The following ATR variants were observed in gnomAD, a reference collection of about 807,000 sequenced individuals.
ATR encodes the protein ATR checkpoint kinase.
In ATR, 142 loss-of-function variants were observed where a neutral mutation model predicts 305.3. The ratio of observed to expected loss-of-function variants is 0.47; its 90% CI spans 0.41 to 0.53. The LOEUF (loss-of-function observed/expected upper bound fraction) is 0.53. Among genes scored for constraint, ATR ranks in the 20% least tolerant of loss-of-function variants. ATR has a pLI of 0.00. For synonymous variants in ATR, 1,050 were observed against 1,068.1 expected (o/e 0.98, Z 0.33); for missense variants, 2,135 against 3,133.1 (o/e 0.68, Z 7.60).
intron 1 of ATR, among the ~76,000 whole-genome samples, chr3:142,577,307 G>T (rs2035471769): frequency 6.6e-6 from 1 of 152,198 alleles, no homozygotes; most frequent in South Asian, 2.1e-4. Context: ...GAGGAAGACA[G>T]AAGAGGGAAG....
Position 142,515,479 on chromosome 3 carries a change from T to C in ATR, c.4419A>G (p.Gly1473=), listed in dbSNP as rs746905090. 3 of 1,612,588 alleles carry C rather than the reference T, an allele frequency of 1.9e-6. No homozygotes were observed. Among genetic ancestry groups the C allele is most frequent in the Middle Eastern group, 1.7e-4 (1 of 6,054 alleles). The change falls in exon 25 of 47, where the codon GGA becomes GGG. Residue 1473 remains glycine, a synonymous_variant. Transcript: ENST00000350721. ...KSSQKSTDWS[G]VKKPIYLSKL... ...TACTTAAGTAAATTGGCTTCTTTACTCCAGACCAATCGGTTGACTTCTGAG... is the reference window on the plus strand; with the variant it reads ...TACTTAAGTAAATTGGCTTCTTTACCCCAGACCAATCGGTTGACTTCTGAG...
At chr3:142,554,641 G>A (rs1240366454) in intron 10 of ATR, among the ~76,000 whole-genome samples, 1 of 152,142 alleles carries the variant, frequency 6.6e-6, no homozygotes, top group Admixed American at 6.5e-5. Flanking sequence ...CACATTGCAG[G>A]CCAGGAGTGG....
chr3:142,505,427 T>G, intron 28 of ATR, 124 bp from the exon 29 acceptor site: 1 of 1,152,220 alleles, frequency 8.7e-7, no homozygotes, highest in South Asian at 1.3e-5. Context: ...AAAGTAATAG[T>G]AAGCATTTGT....
At position 142,539,740 on chromosome 3, in the gene ATR, C is replaced by T. The variant is rs544931106; in HGVS notation, c.3582-1115G>A. Among the ~76,000 whole-genome samples, 9 of 152,202 alleles carry T rather than the reference C, an allele frequency of 5.9e-5. No homozygotes were observed. The East Asian group carries it at 7.7e-4, about 13-fold the overall frequency. On this transcript the variant is annotated intron_variant, in intron 18 of 46. Coordinates refer to ENST00000350721, the MANE Select transcript of ATR (RefSeq NM_001184.4). ...TCCTAAGCAGCTGGGACTACAGATA[C>T]GCACAATCATGCCCGGCTAGCCAAA...
intron 36 of ATR, among the ~76,000 whole-genome samples, chr3:142,483,558 G>C (rs541231213): frequency 6.6e-6 from 1 of 152,212 alleles, no homozygotes; most frequent in South Asian, 2.1e-4. Context: ...AACCACAAAG[G>C]CTGAGTGGAG....
At chr3:142,461,539 C>CA (rs1294685667) in intron 42 of ATR, among the ~76,000 whole-genome samples, 5 of 152,166 alleles carry the variant, frequency 3.3e-5, no homozygotes, top group Non-Finnish European at 7.4e-5. Context: ...TCTAAAACGT[C>CA]AGACTTCATT....
chr3:142,453,040 T>G (rs2070827206), intron 46 of ATR, 88 bp downstream of exon 46: 1 of 1,586,634 alleles, frequency 6.3e-7, no homozygotes, highest in Non-Finnish European at 8.6e-7. Context: ...GCAGTTCTCA[T>G]GCATAGAGAT....
intron 13 of ATR, among the ~76,000 whole-genome samples, chr3:142,551,662 C>G (rs1002820326): frequency 1.1e-4 from 16 of 152,096 alleles, no homozygotes; most frequent in Non-Finnish European, 2.2e-4. Flanking sequence ...ACACCATATA[C>G]AAAAATTAAC....
intron 41 of ATR, among the ~76,000 whole-genome samples, chr3:142,463,125 C>T (rs2071055982): frequency 6.6e-6 from 1 of 152,066 alleles, no homozygotes; most frequent in Non-Finnish European, 1.5e-5. Flanking sequence ...GCCTCCAAAA[C>T]TAACATAGTT....
chr3:142,457,873 T>C, intron 44 of ATR, 118 bp from the exon 45 acceptor site: 3 of 1,154,484 alleles, frequency 2.6e-6, no homozygotes, highest in Non-Finnish European at 3.7e-6. Flanking sequence ...AAAATATTTA[T>C]GTTGTAATTA....
At chr3:142,466,554 TTTTAA>T (rs770552133) in intron 39 of ATR, 21 bp from the exon 40 acceptor site, 1 of 1,590,808 alleles carries the variant, frequency 6.3e-7, no homozygotes, top group Admixed American at 1.7e-5. Context: ...AAATAGTGCA[TTTTAA>T]TTTGTTTTTA....
chr3:142,507,997 T>C lies in ATR; in HGVS notation c.4965A>G (p.Val1655=), dbSNP rs1296283114. 6.2e-7 allele frequency: 1 copy of C among 1,613,692 alleles called. No homozygotes were observed. Among genetic ancestry groups the C allele is most frequent in the East Asian group, 2.2e-5 (1 of 44,870 alleles). The change falls in exon 28 of 47, where the codon GTA becomes GTG. Residue 1655 remains valine, a synonymous_variant. Transcript: ENST00000350721. The stretch of plus-strand genomic sequence containing the variant: ...CTGTAATAAATGATTCAAAGTGCAT[T>C]ACAGCTCGTGTGTATGCTTTGGAGC... The part of the protein sequence containing the change: ...SFRSKAYTRA[V]MHFESFITEK...
intron 36 of ATR, among the ~76,000 whole-genome samples, chr3:142,481,809 T>C (rs983818310): frequency 2.0e-5 from 3 of 151,618 alleles, no homozygotes; most frequent in African/African-American, 7.3e-5. Context: ...ATTTACTACA[T>C]TTATTTTGAT....
intron 4 of ATR, 67 bp downstream of exon 4, chr3:142,562,165 C>T (rs2034905783): frequency 2.0e-6 from 3 of 1,493,036 alleles, no homozygotes; most frequent in South Asian, 2.4e-5. Context: ...TTACATTTTG[C>T]ACATATGTAT....
chr3:142,535,050 T>A, intron 21 of ATR, 30 bp downstream of exon 21: 1 of 1,586,984 alleles, frequency 6.3e-7, no homozygotes, highest in Non-Finnish European at 8.6e-7. Context: ...TTCTTTGTTA[T>A]ACATTTTTAA....
intron 16 of ATR, among the ~76,000 whole-genome samples, chr3:142,545,648 G>T (rs1375858916): frequency 6.6e-6 from 1 of 152,018 alleles, no homozygotes; most frequent in African/African-American, 2.4e-5. Context: ...AGGGAAGAAT[G>T]AAAGGACAGA....
Position 142,469,576 on chromosome 3 carries a change from G to A in ATR, c.6320-7C>T, listed in dbSNP as rs1218677609. 6.3e-6 allele frequency: 10 copies of A among 1,597,106 alleles called. No homozygotes were observed. The highest frequency in any genetic ancestry group is 6.9e-6 in the Non-Finnish European group (8 of 1,164,874). ...ACACGATCGGAGCGGCCAGCTGGGG[G>A]AAGAAATAAGTTTAAAAAACAATAA... On this transcript the variant is annotated splice_polypyrimidine_tract_variant and splice_region_variant and intron_variant, in intron 37 of 46. Transcript: ENST00000350721.
chr3:142,492,078 A>T (rs1158978037), intron 35 of ATR, among the ~76,000 whole-genome samples: 2 of 152,126 alleles, frequency 1.3e-5, no homozygotes, highest in Non-Finnish European at 2.9e-5. Context: ...TTAGGCTTTG[A>T]TCTGGCAGGC....
At chr3:142,556,718 C>T in intron 8 of ATR, 143 bp from the exon 9 acceptor site, 1 of 794,422 alleles carries the variant, frequency 1.3e-6, no homozygotes, top group East Asian at 2.8e-5. Flanking sequence ...CATTTAATAC[C>T]TAATTTAATT....
Sources: gnomAD v4.1 joint callset for allele counts (sites outside exome capture counted in the v4.1 genomes callset) on GRCh38, gnomAD v4.1.1 for gene constraint, MANE v1.5 for transcripts, NCBI Gene and HGNC (gene_info 2026-07-23, HGNC 2026-07-21) for gene names.